CFAP77: variants seen among roughly 807,000 people sequenced by gnomAD.
The protein encoded by CFAP77 is cilia and flagella associated protein 77.
A neutral mutation model predicts 31.1 loss-of-function variants in CFAP77; 25 were observed. The ratio of observed to expected loss-of-function variants is 0.80; its 90% CI spans 0.59 to 1.12. CFAP77 has a LOEUF of 1.12. Ranked by LOEUF, CFAP77 falls within the 50% of genes most tolerant of loss-of-function variation. CFAP77 has a pLI of 0.00. For synonymous variants in CFAP77, 151 were observed against 159.9 expected, an observed-to-expected ratio of 0.94 and a Z score of 0.42; for missense variants, 377 against 397.3, an observed-to-expected ratio of 0.95 and a Z score of 0.44.
At chr9:132,513,920 T>C (rs56387474) in intron 3 of CFAP77, among the ~76,000 whole-genome samples, 11,098 of 123,540 alleles carry the variant, frequency 0.09, 878 homozygotes, top group South Asian at 0.14. Context: ...TGTGAGGAGA[T>C]GACCCTTCCC....
At position 132,481,666 on chromosome 9, in the gene CFAP77, C is replaced by G. The variant is rs1387021640; in HGVS notation, c.196-17029C>G. 6.6e-6 allele frequency among the ~76,000 whole-genome samples: 1 copy of G among 152,190 alleles called. No homozygotes were observed. Among genetic ancestry groups the G allele is most frequent in the Non-Finnish European group, 1.5e-5 (1 of 68,028 alleles). On this transcript the variant is annotated intron_variant, in intron 1 of 5. Transcript: ENST00000393216. This position sits in a 1 kb window ranked among gnomAD's most constrained non-coding sequence, Gnocchi z 5.0. ...GGAGGGGGTGGGAGGACCCTGTCCT[C>G]CAGCCTCCCAGCTTTGTGCTGAAAT...
chr9:132,553,835 A>G (rs997127182), intron 5 of CFAP77, among the ~76,000 whole-genome samples: 1 of 152,260 alleles, frequency 6.6e-6, no homozygotes, highest in Non-Finnish European at 1.5e-5. Context: ...ATATTTTTAA[A>G]TAAAATTGTG....
Position 132,573,184 on chromosome 9 carries a change from G to A in CFAP77, c.*674G>A, listed in dbSNP as rs1829986987. 6.6e-6 allele frequency: 1 copy of A among 152,272 alleles called. No individual in the cohort carries two copies. Among genetic ancestry groups the A allele is most frequent in the South Asian group, 2.1e-4 (1 of 4,832 alleles). 9.4% of individuals were successfully genotyped at this position (152,272 alleles called of 1,614,324 possible). On this transcript the variant is annotated 3_prime_UTR_variant, in exon 6 of 6. Transcript: ENST00000393216. ...AGCCTTCCAGGCCAGCGGGTAGACT[G>A]CTGAACACAGGCTGCTGAGCTTCTC...
chr9:132,535,928 AG>A (rs900517322), intron 3 of CFAP77, among the ~76,000 whole-genome samples: 1 of 152,252 alleles, frequency 6.6e-6, no homozygotes, highest in Middle Eastern at 3.4e-3. Context: ...CTATTCAAAA[AG>A]TTCTAGCTTT....
chr9:132,436,298 G>T (rs1218256260), intron 1 of CFAP77, among the ~76,000 whole-genome samples: 1 of 152,076 alleles, frequency 6.6e-6, no homozygotes, highest in African/African-American at 2.4e-5. Context: ...CTGTGGTCAC[G>T]TGGCCTCTCT....
Position 132,439,917 on chromosome 9 carries a change from G to A in CFAP77, c.195+29451G>A, listed in dbSNP as rs909291859. On this transcript the variant is annotated intron_variant, in intron 1 of 5. Coordinates refer to ENST00000393216, the MANE Select transcript of CFAP77 (RefSeq NM_001282957.2). ...AGAGCAAACATCTCTCTTATTCCTC[G>A]ATCCTATGGTGCGGTGATGTAGATC... Among the ~76,000 whole-genome samples, 5 of 150,586 alleles carry A rather than the reference G, an allele frequency of 3.3e-5. No individual in the cohort carries two copies. In the South Asian group the frequency reaches 6.3e-4, roughly 19 times the overall value.
chr9:132,448,669 C>A (rs533096249), intron 1 of CFAP77, among the ~76,000 whole-genome samples: 1 of 152,226 alleles, frequency 6.6e-6, no homozygotes, highest in African/African-American at 2.4e-5. Flanking sequence ...TCACTGCAAC[C>A]TCCACCTCCC....
At chr9:132,543,574 A>G (rs957014870) in intron 5 of CFAP77, among the ~76,000 whole-genome samples, 1 of 152,212 alleles carries the variant, frequency 6.6e-6, no homozygotes, top group African/African-American at 2.4e-5. Flanking sequence ...ACCTCCCTCC[A>G]GGGAAGGGGT....
intron 5 of CFAP77, among the ~76,000 whole-genome samples, chr9:132,560,055 T>C (rs1029589145): frequency 2.6e-5 from 4 of 152,240 alleles, no homozygotes; most frequent in African/African-American, 9.6e-5. Flanking sequence ...CTAATGGCTA[T>C]AAAGTTTCTT....
chr9:132,551,931 G>GCCTGCT (rs947840092), intron 5 of CFAP77, among the ~76,000 whole-genome samples: 1 of 152,222 alleles, frequency 6.6e-6, no homozygotes. Flanking sequence ...TCGTGGCCGG[G>GCCTGCT]CCTGCTCCGG....
At chr9:132,435,876 G>GT (rs1170980736) in intron 1 of CFAP77, among the ~76,000 whole-genome samples, 60 of 152,318 alleles carry the variant, frequency 3.9e-4, no homozygotes, top group African/African-American at 1.4e-3. Flanking sequence ...CTGGACCAGT[G>GT]AAAGAAACAC....
At chr9:132,526,137 AG>A (rs1045863053) in intron 3 of CFAP77, among the ~76,000 whole-genome samples, 1 of 152,246 alleles carries the variant, frequency 6.6e-6, no homozygotes, top group African/African-American at 2.4e-5. Flanking sequence ...ATAAGTTTTT[AG>A]GTCAACCTAA....
chr9:132,533,878 C>G (rs1166684744), intron 3 of CFAP77, among the ~76,000 whole-genome samples: 1 of 151,940 alleles, frequency 6.6e-6, no homozygotes. Flanking sequence ...GAGACTCTAT[C>G]TCAAAAAGAA....
intron 1 of CFAP77, among the ~76,000 whole-genome samples, chr9:132,446,599 G>T (rs1850721924): frequency 2.0e-5 from 3 of 151,920 alleles, no homozygotes; most frequent in Non-Finnish European, 4.4e-5. Flanking sequence ...AAATTAGCTG[G>T]GCGTGGTGGT....
chr9:132,411,240 C>T (rs1198115704), intron 1 of CFAP77, among the ~76,000 whole-genome samples: 2 of 152,198 alleles, frequency 1.3e-5, no homozygotes, highest in Non-Finnish European at 2.9e-5. Context: ...ATTTATCTTG[C>T]GCCGCTGGAG....
chr9:132,492,693 C>T (rs984642458), intron 1 of CFAP77, among the ~76,000 whole-genome samples: 3 of 152,154 alleles, frequency 2.0e-5, no homozygotes, highest in African/African-American at 7.2e-5. Context: ...TTTTATGAAT[C>T]GGCAGTAACA....
chr9:132,568,124 C>A (rs1829909282), intron 5 of CFAP77, among the ~76,000 whole-genome samples: 1 of 151,998 alleles, frequency 6.6e-6, no homozygotes, highest in Non-Finnish European at 1.5e-5. Context: ...CCATGGGCAC[C>A]CAGAGAAGCA....
intron 1 of CFAP77, among the ~76,000 whole-genome samples, chr9:132,413,700 G>A (rs188460339): frequency 8.5e-5 from 13 of 152,246 alleles, no homozygotes; most frequent in African/African-American, 3.1e-4. Flanking sequence ...ACAATTATAG[G>A]GAGAGACTGC....
At chr9:132,535,512 G>A (rs1184678374) in intron 3 of CFAP77, among the ~76,000 whole-genome samples, 2 of 152,108 alleles carry the variant, frequency 1.3e-5, no homozygotes, top group African/African-American at 4.8e-5. Flanking sequence ...AGGAGTTTGA[G>A]ACCAGCCTAG....
Sources: allele counts gnomAD v4.1 joint callset (sites outside exome capture counted in the v4.1 genomes callset), GRCh38; gene constraint gnomAD v4.1.1; non-coding constraint Gnocchi (gnomAD v3.1); transcripts MANE v1.5; gene names NCBI Gene and HGNC (gene_info 2026-07-23, HGNC 2026-07-21).